DBH: variants seen among roughly 807,000 people sequenced by gnomAD.
The protein encoded by DBH is dopamine beta-hydroxylase.
In DBH, 49 loss-of-function variants were observed where a neutral mutation model predicts 64.0. The ratio of observed to expected loss-of-function variants is 0.77; its 90% CI spans 0.61 to 0.97. The LOEUF is 0.97. DBH is among the 50% of genes least tolerant of loss of function. The pLI is 0.00. For synonymous variants in DBH, 343 were observed against 347.1 expected (o/e 0.99, Z 0.13); for missense variants, 828 against 826.6 (o/e 1.00, Z -0.02).
chr9:133,652,245 G>A lies in DBH; in HGVS notation c.1336-1G>A. 1.2e-6 allele frequency: 2 copies of A among 1,613,908 alleles called. No homozygotes were observed. The highest frequency in any genetic ancestry group is 1.7e-6 in the Non-Finnish European group (2 of 1,180,030). On this transcript the variant is annotated splice_acceptor_variant, in intron 7 of 11. Coordinates refer to ENST00000393056, the MANE Select transcript of DBH (RefSeq NM_000787.4). LOFTEE classifies it high-confidence loss of function. ...CCACCCCTCGGCTCTGCCTGCCCCA[G>A]GAGATCCGCATGTTGAAGAAGGTCG... is the stretch of plus-strand genomic sequence containing the variant.
chr9:133,657,458 GGGAGA>G (rs1301476737), intron 11 of DBH: 8 of 505,602 alleles, frequency 1.6e-5, no homozygotes, highest in Non-Finnish European at 1.7e-5. Context: ...AGAGGAGAGA[GGGAGA>G]GGGAGAGAGG....
At chr9:133,654,146 GCT>G (rs1393482860) in intron 9 of DBH, among the ~76,000 whole-genome samples, 4 of 146,748 alleles carry the variant, frequency 2.7e-5, no homozygotes, top group Non-Finnish European at 5.9e-5. Context: ...ACGGAGTCTC[GCT>G]CTGTCACCCA....
At chr9:133,657,486 GGAGA>G (rs1300382040) in intron 11 of DBH, among the ~76,000 whole-genome samples, 18 of 147,930 alleles carry the variant, frequency 1.2e-4, no homozygotes, top group African/African-American at 3.8e-4. Context: ...GAGGGAGAGA[GGAGA>G]GAGAGAGGAG....
intron 7 of DBH, 107 bp from the exon 8 acceptor site, chr9:133,652,139 C>T (rs1209033739): frequency 2.3e-6 from 3 of 1,303,154 alleles, no homozygotes; most frequent in Non-Finnish European, 3.3e-6. Flanking sequence ...GCAAAATGGA[C>T]ACCCCCAGAG....
chr9:133,658,026 G>A (rs890372332), intron 11 of DBH, among the ~76,000 whole-genome samples: 1 of 152,162 alleles, frequency 6.6e-6, no homozygotes, highest in Admixed American at 6.5e-5. Flanking sequence ...CCTGCAGCCA[G>A]GGGCTCTGGT....
In DBH at chr9:133,644,282, G is replaced by A; in HGVS notation, c.986G>A (p.Arg329His). 3.7e-6 allele frequency: 6 copies of A among 1,614,156 alleles called. No individual in the cohort carries two copies. Among genetic ancestry groups the A allele is most frequent in the South Asian group, 1.1e-5 (1 of 91,082 alleles). ...FGGPGSSRYL[R>H]LEVHYHNPLV... is the part of the protein sequence containing the mutation. ...GGTCCAGGGTCCTCCAGATATCTCC[G>A]CCTGGAAGTTCACTACCACAACCCA... Residue 329 changes from arginine to histidine, a missense_variant, in exon 5 of 12, where the codon CGC becomes CAC. Physicochemically the swap from Arg to His is conservative, Grantham distance 29. Coordinates refer to ENST00000393056, the MANE Select transcript of DBH (RefSeq NM_000787.4).
chr9:133,655,798 C>G (rs982685350), intron 9 of DBH: 2 of 153,112 alleles, frequency 1.3e-5, no homozygotes, highest in Non-Finnish European at 2.9e-5. Context: ...CTCTCCAGCC[C>G]CAGCTCCTCC....
At chr9:133,652,343 G>A (rs1832261499) in intron 8 of DBH, 59 bp downstream of exon 8, 8 of 1,585,086 alleles carry the variant, frequency 5.0e-6, no homozygotes, top group African/African-American at 1.3e-5. Context: ...TGGCTGAGAG[G>A]GCTGGGGGTG....
intron 1 of DBH, 139 bp from the exon 2 acceptor site, chr9:133,639,706 CA>C: frequency 1.1e-6 from 1 of 903,172 alleles, no homozygotes; most frequent in East Asian, 2.7e-5. Context: ...GCAGAACCCT[CA>C]GATCCACAGG....
At position 133,659,001 on chromosome 9, in the gene DBH, C is replaced by G. The variant is rs1255100214; in HGVS notation, c.*554C>G. 1 of 152,242 alleles carries G rather than the reference C, an allele frequency of 6.6e-6. No individual in the cohort carries two copies. The highest frequency in any genetic ancestry group is 1.9e-4 in the East Asian group (1 of 5,192). 9.4% of individuals were successfully genotyped at this position (152,242 alleles called of 1,614,324 possible). On this transcript the variant is annotated 3_prime_UTR_variant, in exon 12 of 12. Coordinates refer to ENST00000393056, the MANE Select transcript of DBH (RefSeq NM_000787.4). ...ACTCGCCTGGGAAATTGCTCCATTC[C>G]TGAGTAAACAGATATTTTCGCCCAC...
chr9:133,636,771 G>A lies in DBH; in HGVS notation c.339+61G>A, dbSNP rs140853848. The A allele has an allele frequency of 1.8e-3, 2,658 of 1,469,952 alleles. 27 individuals carry two copies. The African/African-American group carries it at 0.03, about 17-fold the overall frequency. The allele number at this position is 1,469,952 out of a possible 1,614,324, so 91.1% of individuals were successfully genotyped here. A position where few individuals can be genotyped will look rare whatever the true frequency, so the allele number is the denominator to read the frequency against. ...TCCTGACCCGGCACCCCATCTGGCC[G>A]TCTTTCTGCACTCACCCTCCTTAAC... On this transcript the variant is annotated intron_variant, in intron 1 of 11. Transcript: ENST00000393056.
intron 9 of DBH, among the ~76,000 whole-genome samples, chr9:133,654,004 C>T (rs182847902): frequency 7.9e-4 from 121 of 152,334 alleles, no homozygotes; most frequent in Non-Finnish European, 4.0e-4. Context: ...CATCCCTCAG[C>T]GCCAGGAACT....
intron 9 of DBH, among the ~76,000 whole-genome samples, chr9:133,653,467 G>C (rs564633670): frequency 9.2e-5 from 14 of 152,300 alleles, no homozygotes; most frequent in African/African-American, 3.1e-4. Context: ...ACCAGGTTGA[G>C]GAGGCAGAGG....
At position 133,658,777 on chromosome 9, in the gene DBH, G is replaced by A. The variant is rs959460379; in HGVS notation, c.*330G>A. On this transcript the variant is annotated 3_prime_UTR_variant, in exon 12 of 12. Coordinates refer to ENST00000393056, the MANE Select transcript of DBH (RefSeq NM_000787.4). ...CGCCAGCCCTGTTCCGCCTCACTGGGTGTGGCCTGGCTTCTGGGACAGGCA... is the reference window on the plus strand; with the variant it reads ...CGCCAGCCCTGTTCCGCCTCACTGGATGTGGCCTGGCTTCTGGGACAGGCA... 2 of 194,248 alleles carry A rather than the reference G, an allele frequency of 1.0e-5. No homozygotes were observed. Among genetic ancestry groups the A allele is most frequent in the Non-Finnish European group, 2.1e-5 (2 of 95,652 alleles). 12.0% of individuals were successfully genotyped at this position (194,248 alleles called of 1,614,324 possible).
chr9:133,643,280 GA>G lies in DBH; in HGVS notation c.745-131del, dbSNP rs1832138727. 2.1e-6 allele frequency: 2 copies of G among 932,656 alleles called. No homozygotes were observed. The highest frequency in any genetic ancestry group is 2.9e-5 in the South Asian group (2 of 69,874). The allele number at this position is 932,656 out of a possible 1,614,324, so 57.8% of individuals were successfully genotyped here. A position where few individuals can be genotyped will look rare whatever the true frequency, so the allele number is the denominator to read the frequency against. On this transcript the variant is annotated intron_variant, in intron 3 of 11. Transcript: ENST00000393056. The surrounding 1 kb of genome is among the most constrained non-coding windows in gnomAD (Gnocchi z 5.3). ...TCCACCCTCAAGGCTGTGAACCCCA[GA>G]AGTGCCCCTGAAATTGTCTGGATCA...
In DBH at chr9:133,640,094, G is replaced by A. The variant is rs2131283559; in HGVS notation, c.486+102G>A. On this transcript the variant is annotated intron_variant, in intron 2 of 11. Transcript: ENST00000393056. ...ACCTTTCCTGTCCCTGATAAGTCTG[G>A]GGCCTGGGCCTGGCCAGCTATGACA... 10 of 1,466,688 alleles carry A rather than the reference G, an allele frequency of 6.8e-6. No homozygotes were observed. In the South Asian group the frequency reaches 1.1e-4, roughly 16 times the overall value. The allele number at this position is 1,466,688 out of a possible 1,614,324, so 90.9% of individuals were successfully genotyped here.
rs565861335 is a variant in DBH, at chr9:133,658,512, C to G, written c.*65C>G. 1.0e-4 allele frequency: 157 copies of G among 1,500,568 alleles called. 1 individual carries two copies. In the African/African-American group the frequency reaches 1.8e-3, roughly 17 times the overall value. The allele number at this position is 1,500,568 out of a possible 1,614,324, so 93.0% of individuals were successfully genotyped here. A position where few individuals can be genotyped will look rare whatever the true frequency, so the allele number is the denominator to read the frequency against. ...TGGGCTCACACCGGCACTGTGCACT[C>G]TACTCTGCGACGATCCCCATGGAAC... On this transcript the variant is annotated 3_prime_UTR_variant, in exon 12 of 12. Transcript: ENST00000393056.
intron 1 of DBH, among the ~76,000 whole-genome samples, chr9:133,637,739 G>A (rs1832069454): frequency 6.6e-6 from 1 of 152,212 alleles, no homozygotes; most frequent in Admixed American, 6.5e-5. Flanking sequence ...TGTTTCTGGA[G>A]CTGAGCTTGC....
chr9:133,644,806 A>G (rs918418129), intron 5 of DBH, among the ~76,000 whole-genome samples: 1 of 152,194 alleles, frequency 6.6e-6, no homozygotes, highest in Non-Finnish European at 1.5e-5. Context: ...TGGATCACCC[A>G]TACCTGAGGG....
Sources: gnomAD v4.1 joint callset for allele counts (sites outside exome capture counted in the v4.1 genomes callset) on GRCh38, gnomAD v4.1.1 for gene constraint, Gnocchi (gnomAD v3.1) non-coding constraint, MANE v1.5 for transcripts, NCBI Gene and HGNC (gene_info 2026-07-23, HGNC 2026-07-21) for gene names.